The following RAPGEF5 variants were observed in gnomAD, a reference collection of about 807,000 sequenced individuals.
RAPGEF5 encodes M-Ras-regulated GEF.
Under a neutral mutation model 125.2 loss-of-function variants are expected in RAPGEF5, and 65 were observed. The ratio of observed to expected loss-of-function variants is 0.52; its 90% CI spans 0.43 to 0.64. RAPGEF5 has a LOEUF of 0.64. Among genes scored for constraint, RAPGEF5 ranks in the 30% least tolerant of loss-of-function variants. RAPGEF5 has a pLI of 0.00. For missense variants in RAPGEF5, 958 were observed against 1,048.1 expected, an observed-to-expected ratio of 0.91 and a Z score of 1.19; for synonymous variants, 391 against 385.9, an observed-to-expected ratio of 1.01 and a Z score of -0.16.
intron 6 of RAPGEF5, among the ~76,000 whole-genome samples, chr7:22,285,368 C>T (rs1754214669): frequency 6.6e-6 from 1 of 152,292 alleles, no homozygotes; most frequent in Admixed American, 6.5e-5. Context: ...GAAGATTACC[C>T]CCAGATCTTG....
At chr7:22,188,470 C>T (rs1027622606) in intron 11 of RAPGEF5, among the ~76,000 whole-genome samples, 1 of 152,202 alleles carries the variant, frequency 6.6e-6, no homozygotes, top group African/African-American at 2.4e-5. Flanking sequence ...CAGTGCAATG[C>T]TTAAAAAACA....
chr7:22,145,733 G>A (rs1317956605), intron 19 of RAPGEF5, among the ~76,000 whole-genome samples: 1 of 152,126 alleles, frequency 6.6e-6, no homozygotes, highest in African/African-American at 2.4e-5. Flanking sequence ...GGGTGTGGAG[G>A]GGCCGGAAAT....
intron 1 of RAPGEF5, among the ~76,000 whole-genome samples, chr7:22,329,364 T>C (rs998750390): frequency 1.3e-5 from 2 of 152,124 alleles, no homozygotes; most frequent in African/African-American, 4.8e-5. Flanking sequence ...CAAAAGTAGA[T>C]AACTAGGGAA....
chr7:22,310,191 T>C (rs1783437562), intron 3 of RAPGEF5, 101 bp from the exon 4 acceptor site: 1 of 1,265,104 alleles, frequency 7.9e-7, no homozygotes, highest in Non-Finnish European at 1.0e-6. Context: ...GTGCTTGCTT[T>C]TTTTAGACAA....
Position 22,215,400 on chromosome 7 carries a change from G to C in RAPGEF5, c.996+4466C>G, listed in dbSNP as rs373919030. Among the ~76,000 whole-genome samples the C allele has an allele frequency of 9.9e-5, 15 of 152,276 alleles. 1 individual carries two copies. The East Asian group carries it at 2.3e-3, about 23-fold the overall frequency. On this transcript the variant is annotated intron_variant, in intron 9 of 25. Coordinates refer to ENST00000665637, the MANE Select transcript of RAPGEF5 (RefSeq NM_012294.5). ...TACTTCTGCCCTATGAAAGAATCCT[G>C]CTTTCTCAGGTGTAAATTCTTCTTC... is the stretch of plus-strand genomic sequence containing the variant.
intron 11 of RAPGEF5, chr7:22,193,137 T>G: frequency 1.7e-6 from 1 of 571,754 alleles, no homozygotes; most frequent in Non-Finnish European, 3.1e-6. Flanking sequence ...AACAGCTGCC[T>G]TCATATCATT....
chr7:22,164,304 C>T (rs1258205610), intron 12 of RAPGEF5, among the ~76,000 whole-genome samples: 1 of 152,158 alleles, frequency 6.6e-6, no homozygotes, highest in Non-Finnish European at 1.5e-5. Context: ...CTACTCCAGC[C>T]TAGGTAACAG....
intron 11 of RAPGEF5, among the ~76,000 whole-genome samples, chr7:22,168,947 T>C (rs1009729888): frequency 1.3e-5 from 2 of 152,234 alleles, no homozygotes; most frequent in Non-Finnish European, 2.9e-5. Context: ...CCTGTCAAAA[T>C]AATAAATTCG....
At chr7:22,217,852 A>C (rs1785678757) in intron 9 of RAPGEF5, among the ~76,000 whole-genome samples, 1 of 152,208 alleles carries the variant, frequency 6.6e-6, no homozygotes, top group Non-Finnish European at 1.5e-5. Flanking sequence ...TTACAAGTGA[A>C]ATGAAGGTTT....
chr7:22,257,886 G>GCCC (rs1782042203), intron 7 of RAPGEF5, among the ~76,000 whole-genome samples: 1 of 151,602 alleles, frequency 6.6e-6, no homozygotes, highest in South Asian at 2.1e-4. Context: ...TTAAAGTCAG[G>GCCC]GGCAAAATAA....
chr7:22,225,329 C>T (rs1446026901), intron 8 of RAPGEF5, among the ~76,000 whole-genome samples: 1 of 152,206 alleles, frequency 6.6e-6, no homozygotes, highest in East Asian at 1.9e-4. Context: ...TTTAATTCTC[C>T]ATCTTATAAT....
intron 5 of RAPGEF5, among the ~76,000 whole-genome samples, chr7:22,295,655 T>C (rs1425607527): frequency 2.0e-5 from 3 of 152,174 alleles, no homozygotes; most frequent in Non-Finnish European, 4.4e-5. Flanking sequence ...GCTGATTTCA[T>C]AACACTTTTT....
chr7:22,228,593 C>T (rs58577388), intron 8 of RAPGEF5, among the ~76,000 whole-genome samples: 167 of 152,106 alleles, frequency 1.1e-3, no homozygotes, highest in African/African-American at 3.6e-3. Context: ...CTGAAACCTC[C>T]GCCTCCCGGG....
intron 11 of RAPGEF5, among the ~76,000 whole-genome samples, chr7:22,174,460 G>C (rs543653298): frequency 4.3e-4 from 66 of 152,180 alleles, no homozygotes; most frequent in Non-Finnish European, 7.6e-4. Context: ...CATGTTTAGA[G>C]CCAACTTGCC....
intron 11 of RAPGEF5, among the ~76,000 whole-genome samples, chr7:22,187,984 T>C (rs1784873795): frequency 6.6e-6 from 1 of 152,222 alleles, no homozygotes; most frequent in South Asian, 2.1e-4. Context: ...GTTAAAAGCA[T>C]CACAGGTGCT....
chr7:22,307,944 G>A (rs1163431703), intron 5 of RAPGEF5, among the ~76,000 whole-genome samples: 2 of 152,088 alleles, frequency 1.3e-5, no homozygotes, highest in Non-Finnish European at 2.9e-5. Context: ...GCCAAATGTT[G>A]CTTCTAGACT....
chr7:22,150,292 CA>C, intron 18 of RAPGEF5, 114 bp downstream of exon 18: 1 of 1,071,920 alleles, frequency 9.3e-7, no homozygotes, highest in Non-Finnish European at 1.3e-6. Flanking sequence ...AAGCTGGTCT[CA>C]AACTTCTGAG....
chr7:22,230,876 T>C lies in RAPGEF5; in HGVS notation c.840A>G (p.Val280=). 1 of 1,566,676 alleles carries C rather than the reference T, an allele frequency of 6.4e-7. No homozygotes were observed. The highest frequency in any genetic ancestry group is 8.7e-7 in the Non-Finnish European group (1 of 1,153,652). Residue 280 remains valine (V), a synonymous_variant, in exon 8 of 26, where the codon GTA becomes GTG. Transcript: ENST00000665637. ...AATCTGGAACACTTTCGGCTTCTGT[T>C]ACAGCTACATGTTTGTCGTTGTTTT... is the stretch of plus-strand genomic sequence containing the variant. ...DEENNDKHVA[V]TEAESVPDSQ...
intron 7 of RAPGEF5, among the ~76,000 whole-genome samples, chr7:22,243,879 C>A (rs1173023240): frequency 6.6e-6 from 1 of 152,036 alleles, no homozygotes; most frequent in Admixed American, 6.5e-5. Flanking sequence ...AAAAGTTAGT[C>A]CTCCTATCTA....
Sources: gnomAD v4.1 joint callset for allele counts (sites outside exome capture counted in the v4.1 genomes callset) on GRCh38, gnomAD v4.1.1 for gene constraint, MANE v1.5 for transcripts, NCBI Gene and HGNC (gene_info 2026-07-23, HGNC 2026-07-21) for gene names.